The following FAAH2 variants were observed in gnomAD, a reference collection of about 807,000 sequenced individuals.
FAAH2 encodes the protein fatty-acid amide hydrolase 2.
FAAH2 carries 60 observed loss-of-function variants against 36.9 expected under a neutral mutation model. That is an observed-to-expected ratio of 1.63 (90% CI 1.32 to 2.02). The LOEUF is 2.02. FAAH2 is among the 30% of genes most tolerant of loss of function. FAAH2 has a pLI of 0.00. For missense variants in FAAH2, 689 were observed against 397.5 expected, an observed-to-expected ratio of 1.73 and a Z score of -6.23; for synonymous variants, 214 against 143.8, an observed-to-expected ratio of 1.49 and a Z score of -3.49.
chrX:57,154,838 T>C, the FAAH2 span, among the ~76,000 whole-genome samples: 14 of 110,484 alleles, frequency 1.3e-4, no homozygotes, highest in African/African-American at 4.3e-4. Context: ...AAGGCTGCTG[T>C]TCAGATTTTT....
chrX:57,261,351 G>C, the FAAH2 span, among the ~76,000 whole-genome samples: 3 of 109,725 alleles, frequency 2.7e-5, no homozygotes, highest in African/African-American at 9.9e-5. Flanking sequence ...TCAGGAGTTT[G>C]AGAACAGCCT....
chrX:57,385,432 A>G (rs1222009620), intron 7 of FAAH2, among the ~76,000 whole-genome samples: 7 of 111,604 alleles, frequency 6.3e-5, no homozygotes, highest in African/African-American at 2.3e-4. Context: ...ACACACCTGA[A>G]GACAGGAAAG....
chrX:57,466,295 A>G (rs1488542916), intron 10 of FAAH2, among the ~76,000 whole-genome samples: 1 of 106,728 alleles, frequency 9.4e-6, no homozygotes, highest in Non-Finnish European at 1.9e-5. Flanking sequence ...GATTCTGAAG[A>G]GTTAAGATGG....
intron 2 of FAAH2, among the ~76,000 whole-genome samples, chrX:57,301,231 G>C (rs5914966): frequency 9.1e-6 from 1 of 109,436 alleles, no homozygotes; most frequent in Non-Finnish European, 1.9e-5. Context: ...AAAAATGATA[G>C]ACTGGATTGA....
the FAAH2 span, among the ~76,000 whole-genome samples, chrX:57,158,788 G>T: frequency 2.5e-4 from 28 of 111,778 alleles, no homozygotes; most frequent in African/African-American, 5.5e-4. Context: ...CTCCCATTCT[G>T]CAGGTTGCCT....
chrX:57,216,068 G>A, the FAAH2 span, among the ~76,000 whole-genome samples: 1 of 107,974 alleles, frequency 9.3e-6, no homozygotes, highest in Non-Finnish European at 1.9e-5. Flanking sequence ...AATCAGAAAC[G>A]AAAATCCATT....
At chrX:57,257,820 G>A in the FAAH2 span, among the ~76,000 whole-genome samples, 1 of 111,009 alleles carries the variant, frequency 9.0e-6, no homozygotes, top group Non-Finnish European at 1.9e-5. Context: ...TAAGGAAACT[G>A]AAAAAAAGAA....
chrX:57,288,338 C>CTTTTTTTTTTTTTTTT lies in FAAH2; in HGVS notation c.192+1335_192+1350dup, dbSNP rs771871081. Reference sequence around the variant, plus strand: ...TAGCTCTGTGATCTTAAAAACATTTCTTTTTTTTTTTTTTTTTTTTTTTTT... The same window carrying CTTTTTTTTTTTTTTTT: ...TAGCTCTGTGATCTTAAAAACATTTCTTTTTTTTTTTTTTTTTTTTTTTTTTTTTTTTTTTTTTTTT... On this transcript the variant is annotated intron_variant, in intron 1 of 10. Transcript: ENST00000374900. Among the ~76,000 whole-genome samples the CTTTTTTTTTTTTTTTT allele has an allele frequency of 1.6e-3, 65 of 40,351 alleles. 13 individuals carry two copies. Among genetic ancestry groups the CTTTTTTTTTTTTTTTT allele is most frequent in the African/African-American group, 8.6e-3 (63 of 7,304 alleles). 35.0% of individuals were successfully genotyped at this position (40,351 alleles called of 115,157 possible).
chrX:57,295,184 C>T (rs964294961), intron 2 of FAAH2, among the ~76,000 whole-genome samples: 21 of 111,861 alleles, frequency 1.9e-4, no homozygotes, highest in African/African-American at 6.8e-4. Context: ...TTCTGAGAAG[C>T]AGCTGCCAGC....
intron 5 of FAAH2, among the ~76,000 whole-genome samples, chrX:57,349,027 C>T: frequency 1.0e-5 from 1 of 99,597 alleles, no homozygotes; most frequent in East Asian, 3.1e-4. Flanking sequence ...ATACAAAGAA[C>T]TCAGAAAAAC....
At chrX:57,299,934 C>T (rs982012225) in intron 2 of FAAH2, among the ~76,000 whole-genome samples, 1 of 111,139 alleles carries the variant, frequency 9.0e-6, no homozygotes, top group South Asian at 3.8e-4. Flanking sequence ...GAACTACAAA[C>T]CACTGCTCAA....
chrX:57,130,529 AG>A, the FAAH2 span, among the ~76,000 whole-genome samples: 2 of 112,488 alleles, frequency 1.8e-5, no homozygotes, highest in East Asian at 5.6e-4. Flanking sequence ...TACATTTAAA[AG>A]GAGGTCTGTC....
intron 7 of FAAH2, among the ~76,000 whole-genome samples, chrX:57,423,128 G>A (rs778969565): frequency 1.5e-3 from 170 of 112,079 alleles, no homozygotes; most frequent in Non-Finnish European, 2.6e-3. Context: ...GTGGCATTGG[G>A]AAGTGCTTTG....
chrX:57,210,066 G>A, the FAAH2 span, among the ~76,000 whole-genome samples: 27 of 110,874 alleles, frequency 2.4e-4, 1 homozygote, highest in East Asian at 6.8e-3. Context: ...CAGTGTTAGG[G>A]ATACAACTCT....
chrX:57,188,901 C>T, the FAAH2 span, among the ~76,000 whole-genome samples: 3 of 110,871 alleles, frequency 2.7e-5, no homozygotes, highest in Non-Finnish European at 5.7e-5. Context: ...TAGTGGTGTT[C>T]TCTGTATTTC....
intron 7 of FAAH2, among the ~76,000 whole-genome samples, chrX:57,409,366 T>A (rs1277298749): frequency 8.1e-5 from 9 of 111,505 alleles, no homozygotes; most frequent in Non-Finnish European, 1.7e-4. Context: ...GTAATTTTAT[T>A]TTTTATCTGG....
At chrX:57,175,902 A>G in the FAAH2 span, among the ~76,000 whole-genome samples, 4 of 111,977 alleles carry the variant, frequency 3.6e-5, no homozygotes, top group East Asian at 2.8e-4. Flanking sequence ...TAGGACCCCA[A>G]TTGGTTCTGG....
chrX:57,196,912 A>G, the FAAH2 span, among the ~76,000 whole-genome samples: 1 of 111,083 alleles, frequency 9.0e-6, no homozygotes, highest in African/African-American at 3.3e-5. Context: ...TTGTATTTGG[A>G]CGTCTGCATC....
At chrX:57,152,492 G>A in the FAAH2 span, among the ~76,000 whole-genome samples, 255 of 112,401 alleles carry the variant, frequency 2.3e-3, 2 homozygotes, top group African/African-American at 7.9e-3. Context: ...CCCCAGCCTC[G>A]CTGCTGCCTT....
Sources: gnomAD v4.1 joint callset for allele counts (sites outside exome capture counted in the v4.1 genomes callset) on GRCh38, gnomAD v4.1.1 for gene constraint, MANE v1.5 for transcripts, NCBI Gene and HGNC (gene_info 2026-07-23, HGNC 2026-07-21) for gene names.